The following AGAP3 variants were observed in gnomAD, a reference collection of about 807,000 sequenced individuals.
AGAP3 encodes the protein arf-GAP with GTPase, ANK repeat and PH domain-containing protein 3.
In AGAP3, 24 loss-of-function variants were observed where a neutral mutation model predicts 96.9. That is an observed-to-expected ratio of 0.25 (90% CI 0.18 to 0.35). The LOEUF is 0.35. Among genes scored for constraint, AGAP3 ranks in the 10% least tolerant of loss-of-function variants. The probability of loss-of-function intolerance (pLI) is 1.00; values close to 1 mark genes in which losing one functional copy is unlikely to be tolerated. For synonymous variants in AGAP3, 563 were observed against 536.1 expected (o/e 1.05, Z -0.69); for missense variants, 876 against 1,254.2 (o/e 0.70, Z 4.55).
rs766760343 is a variant in AGAP3 at position 151,144,089 on chromosome 7, A to G, written c.*146A>G. On this transcript the variant is annotated 3_prime_UTR_variant, in exon 18 of 18. Coordinates refer to ENST00000397238, the MANE Select transcript of AGAP3 (RefSeq NM_031946.7). ...CAAGGAAATTAGGGAGGAGAGTCAA[A>G]GGGATCAAGGAGAGTTGGGGATTTG... is the stretch of plus-strand genomic sequence containing the variant. 2.7e-5 allele frequency: 23 copies of G among 840,138 alleles called. No homozygotes were observed. Among genetic ancestry groups the G allele is most frequent in the Admixed American group, 1.1e-4 (4 of 36,610 alleles). The allele number at this position is 840,138 out of a possible 1,614,324, so 52.0% of individuals were successfully genotyped here.
chr7:151,127,660 C>T (rs918114882), intron 9 of AGAP3, among the ~76,000 whole-genome samples: 3 of 152,170 alleles, frequency 2.0e-5, no homozygotes, highest in African/African-American at 7.2e-5. Flanking sequence ...CCTCCCATTC[C>T]CAGCTGTTGC....
chr7:151,094,288 C>T (rs1250918411), intron 1 of AGAP3, among the ~76,000 whole-genome samples: 1 of 152,130 alleles, frequency 6.6e-6, no homozygotes, highest in Non-Finnish European at 1.5e-5. Flanking sequence ...GCCTTGTACG[C>T]TTGTCTCGTT....
chr7:151,087,234 G>C, intron 1 of AGAP3, 162 bp downstream of exon 1: 1 of 743,380 alleles, frequency 1.3e-6, no homozygotes, highest in Non-Finnish European at 2.2e-6. Flanking sequence ...AGAACCGGCG[G>C]GCAGCTTCGC....
chr7:151,100,543 AAGGCC>A (rs1798796252), intron 1 of AGAP3, among the ~76,000 whole-genome samples: 1 of 152,148 alleles, frequency 6.6e-6, no homozygotes, highest in Non-Finnish European at 1.5e-5. Context: ...AAACAAAATT[AAGGCC>A]GGGCCGGGCA....
rs539925723 is a variant in AGAP3 at position 151,132,656 on chromosome 7, C to A, written c.1327-1744C>A. On this transcript the variant is annotated intron_variant, in intron 10 of 17. Coordinates refer to ENST00000397238, the MANE Select transcript of AGAP3 (RefSeq NM_031946.7). ...AGGGAGGCCGCGTGCTGATGCCAGGCCTTTCCACCATTCCCCTGATGGCAC... is the reference window on the plus strand; with the variant it reads ...AGGGAGGCCGCGTGCTGATGCCAGGACTTTCCACCATTCCCCTGATGGCAC... Among the ~76,000 whole-genome samples the A allele has an allele frequency of 1.3e-3, 201 of 152,322 alleles. 1 individual carries two copies. The highest frequency in any genetic ancestry group is 1.9e-3 in the East Asian group (10 of 5,180).
chr7:151,104,253 T>C (rs4725992), intron 1 of AGAP3, among the ~76,000 whole-genome samples: 120,077 of 152,120 alleles, frequency 0.79, 47,589 homozygotes, highest in East Asian at 0.98. Flanking sequence ...AGCAGCATCT[T>C]CCCACTCTTA....
chr7:151,142,683 G>C lies in AGAP3; in HGVS notation c.2273+49G>C. On this transcript the variant is annotated intron_variant, in intron 16 of 17. Transcript: ENST00000397238. This position sits in a 1 kb window ranked among gnomAD's most constrained non-coding sequence, Gnocchi z 7.5. ...TGGCCAGGAATGGGGGAAGCGTTGGGGGCTCCCAGCATGGGGAAGATTGGA... is the reference window on the plus strand; with the variant it reads ...TGGCCAGGAATGGGGGAAGCGTTGGCGGCTCCCAGCATGGGGAAGATTGGA... The C allele has an allele frequency of 6.4e-7, 1 of 1,566,470 alleles. No individual in the cohort carries two copies. Among genetic ancestry groups the C allele is most frequent in the Non-Finnish European group, 8.7e-7 (1 of 1,148,110 alleles).
At position 151,117,631 on chromosome 7, in the gene AGAP3, C is replaced by G; in HGVS notation, c.565-5C>G. The G allele has an allele frequency of 6.2e-7, 1 of 1,613,944 alleles. No homozygotes were observed. Among genetic ancestry groups the G allele is most frequent in the Non-Finnish European group, 8.5e-7 (1 of 1,179,876 alleles). ...CGGGTGCTAATTTTACTTGCTCTAC[C>G]CTAGTTTGCTGCCTGGGTGGATGCA... On this transcript the variant is annotated splice_region_variant and splice_polypyrimidine_tract_variant and intron_variant, in intron 4 of 17. Transcript: ENST00000397238.
chr7:151,138,355 C>A, intron 12 of AGAP3, 42 bp downstream of exon 12: 1 of 1,567,036 alleles, frequency 6.4e-7, no homozygotes, highest in East Asian at 2.3e-5. Flanking sequence ...TCTGGGGCCC[C>A]AGTGACAGAG....
chr7:151,091,052 G>A (rs190391515), intron 1 of AGAP3, among the ~76,000 whole-genome samples: 381 of 152,330 alleles, frequency 2.5e-3, no homozygotes, highest in African/African-American at 8.8e-3. Context: ...GTTTCTGTTC[G>A]TCCTGTGACT....
In AGAP3 at chr7:151,117,186, A is replaced by C. The variant is rs1462537937; in HGVS notation, c.478+4A>C. The C allele has an allele frequency of 6.2e-7, 1 of 1,612,648 alleles. No individual in the cohort carries two copies. The highest frequency in any genetic ancestry group is 8.5e-7 in the Non-Finnish European group (1 of 1,179,092). Reference sequence around the variant, plus strand: ...GTCCAGGAGGAGTCCCCTGAAGGTGAGCGTCACAGGCCCAGCCTGGGCCCT... The same window carrying C: ...GTCCAGGAGGAGTCCCCTGAAGGTGCGCGTCACAGGCCCAGCCTGGGCCCT... On this transcript the variant is annotated splice_donor_region_variant and intron_variant, in intron 3 of 17. Coordinates refer to ENST00000397238, the MANE Select transcript of AGAP3 (RefSeq NM_031946.7).
In AGAP3 at chr7:151,114,094, G is replaced by A. The variant is rs149107111; in HGVS notation, c.332-2699G>A. ...CGCTTAACTCAGTCCAGACAGATGA[G>A]TATCTTCTGGATTTTATAATCTCCA... On this transcript the variant is annotated intron_variant, in intron 1 of 17. Coordinates refer to ENST00000397238, the MANE Select transcript of AGAP3 (RefSeq NM_031946.7). This position sits in a 1 kb window ranked among gnomAD's most constrained non-coding sequence, Gnocchi z 4.4. Among the ~76,000 whole-genome samples, 40 of 152,248 alleles carry A rather than the reference G, an allele frequency of 2.6e-4. No individual in the cohort carries two copies. In the East Asian group the frequency reaches 7.3e-3, roughly 28 times the overall value.
chr7:151,120,850 C>T, intron 8 of AGAP3: 1 of 1,156,444 alleles, frequency 8.6e-7, no homozygotes, highest in Non-Finnish European at 1.1e-6. Context: ...CTCTGGCTCT[C>T]AGGCCCCAGG....
In AGAP3 at chr7:151,114,427, G is replaced by A. The variant is rs889168899; in HGVS notation, c.332-2366G>A. On this transcript the variant is annotated intron_variant, in intron 1 of 17. Transcript: ENST00000397238. This position sits in a 1 kb window ranked among gnomAD's most constrained non-coding sequence, Gnocchi z 4.4. ...GTTATTTAGTTGGCCTGCTCGTAAT[G>A]ACAGCTCCTCACCTACCTGCCGGAT... 2.0e-5 allele frequency among the ~76,000 whole-genome samples: 3 copies of A among 152,240 alleles called. No individual in the cohort carries two copies. The highest frequency in any genetic ancestry group is 7.2e-5 in the African/African-American group (3 of 41,474).
chr7:151,099,936 G>T (rs542113098), intron 1 of AGAP3, among the ~76,000 whole-genome samples: 1 of 152,222 alleles, frequency 6.6e-6, no homozygotes, highest in Admixed American at 6.5e-5. Flanking sequence ...CTGTCTCTCC[G>T]CCCACTTCCT....
chr7:151,138,410 G>A (rs1280226152), intron 12 of AGAP3, 97 bp downstream of exon 12: 107 of 1,392,872 alleles, frequency 7.7e-5, no homozygotes, highest in Non-Finnish European at 1.0e-4. Flanking sequence ...GGCTGCAGTG[G>A]GACAGTGTCC....
intron 8 of AGAP3, chr7:151,120,533 G>T (rs1049809780): frequency 2.2e-6 from 2 of 914,680 alleles, no homozygotes; most frequent in East Asian, 5.4e-5. Flanking sequence ...ATGAACCGGC[G>T]GCCGGAAGGC....
chr7:151,130,030 C>T lies in AGAP3; in HGVS notation c.1326+1346C>T, dbSNP rs555814013. On this transcript the variant is annotated intron_variant, in intron 10 of 17. Coordinates refer to ENST00000397238, the MANE Select transcript of AGAP3 (RefSeq NM_031946.7). ...GTCCCAGCCTGAGGTGTTTCACGGC[C>T]GACACCAGGCAGCTTAGCCGTGCCC... Among the ~76,000 whole-genome samples the T allele has an allele frequency of 8.4e-4, 128 of 152,288 alleles. 1 individual carries two copies. The highest frequency in any genetic ancestry group is 2.7e-3 in the African/African-American group (114 of 41,558).
At chr7:151,123,192 A>C (rs1308752165) in intron 8 of AGAP3, 1 of 1,057,496 alleles carries the variant, frequency 9.5e-7, no homozygotes, top group Non-Finnish European at 1.1e-6. Context: ...CCTGCTCCGG[A>C]AGCCGCCGCC....
Sources: allele counts gnomAD v4.1 joint callset (sites outside exome capture counted in the v4.1 genomes callset), GRCh38; gene constraint gnomAD v4.1.1; non-coding constraint Gnocchi (gnomAD v3.1); transcripts MANE v1.5; gene names NCBI Gene and HGNC (gene_info 2026-07-23, HGNC 2026-07-21).